The following BTBD1 variants were observed in gnomAD, a reference collection of about 807,000 sequenced individuals.
BTBD1 encodes the protein BTB domain containing 1.
Under a neutral mutation model 48.0 loss-of-function variants are expected in BTBD1, and 34 were observed. The ratio of observed to expected loss-of-function variants is 0.71; its 90% confidence interval spans 0.54 to 0.94. The LOEUF (loss-of-function observed/expected upper bound fraction) is 0.94. BTBD1 is among the 40% of genes least tolerant of loss of function. BTBD1 has a pLI of 0.00. For missense variants in BTBD1, 543 were observed against 625.6 expected, an observed-to-expected ratio of 0.87 and a Z score of 1.41; for synonymous variants, 261 against 242.1, an observed-to-expected ratio of 1.08 and a Z score of -0.72.
chr15:83,018,936 G>C, intron 6 of BTBD1, 83 bp from the exon 7 acceptor site: 1 of 806,698 alleles, frequency 1.2e-6, no homozygotes, highest in Non-Finnish European at 1.7e-6. Context: ...CCTTAGCAAT[G>C]TGTGCGTGTG....
intron 3 of BTBD1, among the ~76,000 whole-genome samples, chr15:83,045,479 CAAG>C (rs1243028969): frequency 6.6e-6 from 1 of 151,970 alleles, no homozygotes; most frequent in Non-Finnish European, 1.5e-5. Context: ...GCCTGGGTGA[CAAG>C]AGCAAAACTC....
At chr15:83,023,254 TG>T in intron 5 of BTBD1, among the ~76,000 whole-genome samples, 1 of 152,368 alleles carries the variant, frequency 6.6e-6, no homozygotes. Context: ...TTGCAGTTTT[TG>T]TTATTATATA....
intron 5 of BTBD1, among the ~76,000 whole-genome samples, chr15:83,024,495 T>C (rs1052160438): frequency 5.9e-5 from 9 of 152,256 alleles, no homozygotes; most frequent in African/African-American, 2.2e-4. Context: ...ATCCTCATAG[T>C]ACATAAACAT....
In BTBD1 at chr15:83,016,925, A is replaced by C. The variant is rs2032178721; in HGVS notation, c.*1142T>G. 1.3e-5 allele frequency: 2 copies of C among 152,260 alleles called. No individual in the cohort carries two copies. Among genetic ancestry groups the C allele is most frequent in the African/African-American group, 4.8e-5 (2 of 41,450 alleles). 9.4% of individuals were successfully genotyped at this position (152,260 alleles called of 1,614,324 possible). Reference sequence around the variant, plus strand: ...TTCCACAACGATTTGATATACCTTAAACTCCACTTTCATTTTTTATAAGAG... The same window carrying C: ...TTCCACAACGATTTGATATACCTTACACTCCACTTTCATTTTTTATAAGAG... On this transcript the variant is annotated 3_prime_UTR_variant, in exon 8 of 8. Transcript: ENST00000261721.
chr15:83,035,478 T>C (rs2032607790), intron 4 of BTBD1, among the ~76,000 whole-genome samples: 1 of 151,302 alleles, frequency 6.6e-6, no homozygotes, highest in Non-Finnish European at 1.5e-5. Context: ...AATTAAGTTA[T>C]CTATAATTTA....
At chr15:83,038,962 A>C (rs2032684215) in intron 4 of BTBD1, among the ~76,000 whole-genome samples, 1 of 152,216 alleles carries the variant, frequency 6.6e-6, no homozygotes, top group Non-Finnish European at 1.5e-5. Context: ...TTTTCTGGAC[A>C]CTGGCCTTGG....
intron 2 of BTBD1, among the ~76,000 whole-genome samples, chr15:83,053,462 C>T (rs1422050127): frequency 6.6e-6 from 1 of 152,160 alleles, no homozygotes; most frequent in Admixed American, 6.5e-5. Flanking sequence ...TCCAGAAACA[C>T]TGGTGTCATC....
chr15:83,053,733 G>A (rs1183950523), intron 2 of BTBD1, among the ~76,000 whole-genome samples: 2 of 152,190 alleles, frequency 1.3e-5, no homozygotes, highest in Admixed American at 6.5e-5. Context: ...TTAGTTATAT[G>A]ACTTTGGTCA....
chr15:83,067,033 AG>A lies in BTBD1; in HGVS notation c.118del (p.Leu40CysfsTer16). 6.3e-7 allele frequency: 1 copy of A among 1,581,494 alleles called. No homozygotes were observed. Among genetic ancestry groups the A allele is most frequent in the Non-Finnish European group, 8.6e-7 (1 of 1,166,396 alleles). ...CCAGTTGTAGAGAGGTTCCCGCTGCAGGGGGAGCAGGGGCCCCAGAGAGGAC... is the reference window on the plus strand; with the variant it reads ...CCAGTTGTAGAGAGGTTCCCGCTGCAGGGGAGCAGGGGCCCCAGAGAGGAC... ...SPSSLGPLLP[L>X]QREPLYNWQA... On this transcript the variant is annotated frameshift_variant, in exon 1 of 8. Coordinates refer to ENST00000261721, the MANE Select transcript of BTBD1 (RefSeq NM_025238.4). LOFTEE classifies it high-confidence loss of function.
At position 83,041,813 on chromosome 15, in the gene BTBD1, C is replaced by T. The variant is rs757353625; in HGVS notation, c.777G>A (p.Val259=). 7 of 1,614,022 alleles carry T rather than the reference C, an allele frequency of 4.3e-6. No homozygotes were observed. Among genetic ancestry groups the T allele is most frequent in the Non-Finnish European group, 5.9e-6 (7 of 1,180,000 alleles). Reference sequence around the variant, plus strand: ...GAACTTTTTGTTTATTCCCAAAAGTCACAGGTAATTGTTGTCTCTGACATT... The same window carrying T: ...GAACTTTTTGTTTATTCCCAAAAGTTACAGGTAATTGTTGTCTCTGACATT... ...EAECQRQQLP[V]TFGNKQKVLG... Residue 259 remains valine, a synonymous_variant, in exon 4 of 8, where the codon GTG becomes GTA. Transcript: ENST00000261721.
intron 2 of BTBD1, among the ~76,000 whole-genome samples, chr15:83,050,772 T>C (rs1480081953): frequency 6.6e-6 from 1 of 152,106 alleles, no homozygotes; most frequent in Non-Finnish European, 1.5e-5. Context: ...TAAGCAAAAT[T>C]AGGTCTAACA....
rs574743565 is a variant in BTBD1, at chr15:83,057,217, T to C, written c.402-672A>G. ...GAGGAAACAGGAGAGCTGTTTACCA[T>C]AACACACCATTTCAGGGCTTCTGAC... is the stretch of plus-strand genomic sequence containing the variant. On this transcript the variant is annotated intron_variant, in intron 1 of 7. Coordinates refer to ENST00000261721, the MANE Select transcript of BTBD1 (RefSeq NM_025238.4). Among the ~76,000 whole-genome samples, 9 of 152,342 alleles carry C rather than the reference T, an allele frequency of 5.9e-5. No individual in the cohort carries two copies. In the East Asian group the frequency reaches 1.5e-3, roughly 26 times the overall value.
At chr15:83,030,044 ATGT>A in intron 5 of BTBD1, 89 bp downstream of exon 5, 1 of 1,130,952 alleles carries the variant, frequency 8.8e-7, no homozygotes. Flanking sequence ...ATAAAATGAA[ATGT>A]TGGTTAATTA....
chr15:83,042,857 G>A (rs1227538788), intron 3 of BTBD1, among the ~76,000 whole-genome samples: 9 of 152,140 alleles, frequency 5.9e-5, no homozygotes, highest in Non-Finnish European at 1.2e-4. Context: ...AAATAGGAAG[G>A]GGCCAGGCAT....
Position 83,067,226 on chromosome 15 carries a change from G to C in BTBD1, c.-75C>G. 7.7e-7 allele frequency: 1 copy of C among 1,298,702 alleles called. No individual in the cohort carries two copies. The highest frequency in any genetic ancestry group is 2.1e-5 in the South Asian group (1 of 47,134). The allele number at this position is 1,298,702 out of a possible 1,614,324, so 80.4% of individuals were successfully genotyped here. On this transcript the variant is annotated 5_prime_UTR_variant, in exon 1 of 8. Coordinates refer to ENST00000261721, the MANE Select transcript of BTBD1 (RefSeq NM_025238.4). ...GCCCAGGCCGCCTCCGGAGGCCGGC[G>C]CTGCCTCCCTGCCTTCCGGGAAAGG...
chr15:83,041,869 A>G lies in BTBD1; in HGVS notation c.721T>C (p.Phe241Leu), dbSNP rs536228439. 1.9e-6 allele frequency: 3 copies of G among 1,614,190 alleles called. No homozygotes were observed. The East Asian group carries it at 6.7e-5, about 36-fold the overall frequency. Reference sequence around the variant, plus strand: ...TCTGCCCAGCGTACAACAGCTCCAAAAAGTCGACTTTCTCGAATACTGAGT... The same window carrying G: ...TCTGCCCAGCGTACAACAGCTCCAAGAAGTCGACTTTCTCGAATACTGAGT... Reference protein sequence around the residue: ...DTLSIRESRLFGAVVRWAEAE... With the variant: ...DTLSIRESRLLGAVVRWAEAE... The change falls in exon 4 of 8, where the codon TTT (phenylalanine) becomes CTT (leucine). Residue 241 changes from phenylalanine to leucine, a missense_variant. By Grantham distance (22) the Phe-to-Leu change is conservative (BLOSUM62 0). This residue lies in a region of BTBD1 where 300 missense variants were observed against 350.0 expected (regional missense o/e 0.86). Coordinates refer to ENST00000261721, the MANE Select transcript of BTBD1 (RefSeq NM_025238.4).
At chr15:83,027,777 A>G (rs796692880) in intron 5 of BTBD1, among the ~76,000 whole-genome samples, 6 of 152,356 alleles carry the variant, frequency 3.9e-5, no homozygotes, top group African/African-American at 1.4e-4. Flanking sequence ...ACCTTTAAAG[A>G]AAACGTAAGT....
intron 3 of BTBD1, among the ~76,000 whole-genome samples, chr15:83,042,399 A>ATTTTG (rs1264687044): frequency 3.7e-5 from 2 of 54,460 alleles, no homozygotes; most frequent in Non-Finnish European, 4.1e-5. Context: ...TTTTGGATAT[A>ATTTTG]GAGTCATAGA....
Position 83,067,039 on chromosome 15 carries a change from A to G in BTBD1, c.113T>C (p.Leu38Pro). The change falls in exon 1 of 8, where the codon CTC (leucine) becomes CCC (proline). Residue 38 changes from leucine to proline, a missense_variant. This residue lies in a region of BTBD1 where 173 missense variants were observed against 163.9 expected (regional missense o/e 1.06). Transcript: ENST00000261721. ...GTAGAGAGGTTCCCGCTGCAGGGGGAGCAGGGGCCCCAGAGAGGACGGTGA... is the reference window on the plus strand; with the variant it reads ...GTAGAGAGGTTCCCGCTGCAGGGGGGGCAGGGGCCCCAGAGAGGACGGTGA... ...PPSPSSLGPL[L>P]PLQREPLYNW... 1.9e-6 allele frequency: 3 copies of G among 1,581,224 alleles called. No homozygotes were observed. The highest frequency in any genetic ancestry group is 1.4e-5 in the African/African-American group (1 of 71,096).
Sources: gnomAD v4.1 joint callset for allele counts (sites outside exome capture counted in the v4.1 genomes callset) on GRCh38, gnomAD v4.1.1 for gene constraint, gnomAD v4.1.1 regional missense constraint, MANE v1.5 for transcripts, NCBI Gene and HGNC (gene_info 2026-07-23, HGNC 2026-07-21) for gene names.